MECOM: variants seen among roughly 807,000 people sequenced by gnomAD.
The protein encoded by MECOM is histone-lysine N-methyltransferase MECOM.
In MECOM, 13 loss-of-function variants were observed where a neutral mutation model predicts 116.3. That is an observed-to-expected ratio of 0.11 (90% CI 0.07 to 0.18). The LOEUF (loss-of-function observed/expected upper bound fraction) is 0.18, where lower values mean the gene tolerates loss of function less well. Ranked by LOEUF, MECOM falls within the 10% of genes least tolerant of loss-of-function variation. MECOM has a pLI of 1.00. For missense variants in MECOM, 1,299 were observed against 1,509.0 expected, an observed-to-expected ratio of 0.86 and a Z score of 2.31; for synonymous variants, 528 against 535.2, an observed-to-expected ratio of 0.99 and a Z score of 0.19.
At chr3:169,345,111 C>T (rs1349320475) in intron 2 of MECOM, among the ~76,000 whole-genome samples, 3 of 152,092 alleles carry the variant, frequency 2.0e-5, no homozygotes, top group East Asian at 3.9e-4. Context: ...AAATTGTTCA[C>T]TAAATGCATT....
At chr3:169,093,284 G>A (rs527569885) in intron 13 of MECOM, among the ~76,000 whole-genome samples, 182 bp from the exon 14 acceptor site, 29 of 152,172 alleles carry the variant, frequency 1.9e-4, no homozygotes, top group African/African-American at 6.0e-4. Flanking sequence ...TGCCCATGAC[G>A]GTCCTTTGGG....
At chr3:169,255,639 T>C (rs939394676) in intron 2 of MECOM, among the ~76,000 whole-genome samples, 2 of 152,202 alleles carry the variant, frequency 1.3e-5, no homozygotes, top group Admixed American at 1.3e-4. Context: ...ACAGACTTTA[T>C]TGGTCAAGTT....
At chr3:169,146,389 G>C in intron 2 of MECOM, 2 of 1,387,998 alleles carry the variant, frequency 1.4e-6, no homozygotes, top group Non-Finnish European at 1.9e-6. Flanking sequence ...GTGCGTCCCC[G>C]AAACCGACGG....
intron 1 of MECOM, among the ~76,000 whole-genome samples, chr3:169,600,902 C>T (rs1412856140): frequency 6.6e-6 from 1 of 152,218 alleles, no homozygotes; most frequent in African/African-American, 2.4e-5. Flanking sequence ...CTGAGAAACA[C>T]TCCACAGGAC....
chr3:169,142,133 A>G (rs1738282550), intron 3 of MECOM, among the ~76,000 whole-genome samples: 1 of 151,962 alleles, frequency 6.6e-6, no homozygotes, highest in Admixed American at 6.6e-5. Context: ...CAAGATTCCC[A>G]ATACGAGTAC....
intron 1 of MECOM, among the ~76,000 whole-genome samples, chr3:169,633,405 G>T (rs1772327607): frequency 1.3e-5 from 2 of 152,182 alleles, no homozygotes; most frequent in African/African-American, 4.8e-5. Flanking sequence ...CTTAGCAGAA[G>T]ATAGATGTGT....
intron 1 of MECOM, among the ~76,000 whole-genome samples, chr3:169,640,181 A>T (rs59140256): frequency 6.6e-6 from 1 of 151,648 alleles, no homozygotes; most frequent in Non-Finnish European, 1.5e-5. Context: ...AAAAAAAATT[A>T]ATATTTTATA....
At chr3:169,547,330 C>T (rs1273360642) in intron 1 of MECOM, among the ~76,000 whole-genome samples, 1 of 152,176 alleles carries the variant, frequency 6.6e-6, no homozygotes, top group Non-Finnish European at 1.5e-5. Flanking sequence ...GCAATGCTTC[C>T]TGTACAACCT....
At chr3:169,390,611 G>C (rs1457891808) in intron 1 of MECOM, among the ~76,000 whole-genome samples, 1 of 152,130 alleles carries the variant, frequency 6.6e-6, no homozygotes, top group Non-Finnish European at 1.5e-5. Context: ...ACATGAGGGA[G>C]CATTAATGTG....
At chr3:169,476,742 C>T (rs1031451947) in intron 1 of MECOM, 4 of 151,914 alleles carry the variant, frequency 2.6e-5, no homozygotes, top group Non-Finnish European at 5.9e-5. Context: ...TCCTGTGACC[C>T]TAATCCACAT....
At chr3:169,476,921 C>G (rs1750488552) in intron 1 of MECOM, 1 of 150,138 alleles carries the variant, frequency 6.7e-6, no homozygotes, top group Admixed American at 6.6e-5. Flanking sequence ...CCGGCAAAGA[C>G]AGGTTAGGCA....
chr3:169,232,191 T>C (rs1374203655), intron 2 of MECOM, among the ~76,000 whole-genome samples: 2 of 152,140 alleles, frequency 1.3e-5, no homozygotes, highest in African/African-American at 4.8e-5. Context: ...TTCTCTTAAA[T>C]TCACCTTTTT....
At chr3:169,205,578 C>T (rs915339520) in intron 2 of MECOM, among the ~76,000 whole-genome samples, 3 of 152,024 alleles carry the variant, frequency 2.0e-5, no homozygotes, top group East Asian at 1.9e-4. Flanking sequence ...ATTCTTGAGA[C>T]GTCAACTCTA....
intron 1 of MECOM, among the ~76,000 whole-genome samples, chr3:169,532,462 T>A (rs188044041): frequency 1.6e-4 from 24 of 152,322 alleles, no homozygotes; most frequent in Non-Finnish European, 2.8e-4. Flanking sequence ...CAAAGACCCA[T>A]AATCCTGACT....
chr3:169,335,470 C>T (rs1414904004), intron 2 of MECOM, among the ~76,000 whole-genome samples: 1 of 152,124 alleles, frequency 6.6e-6, no homozygotes, highest in African/African-American at 2.4e-5. Context: ...TTGAGGTGAG[C>T]TCAGCGTGCG....
At chr3:169,542,431 T>C (rs1016890159) in intron 1 of MECOM, among the ~76,000 whole-genome samples, 1 of 152,098 alleles carries the variant, frequency 6.6e-6, no homozygotes, top group African/African-American at 2.4e-5. Flanking sequence ...GCCCTGGGGA[T>C]TTAGTTGGCT....
intron 2 of MECOM, among the ~76,000 whole-genome samples, chr3:169,229,132 C>A (rs1753084797): frequency 6.6e-6 from 1 of 152,154 alleles, no homozygotes; most frequent in South Asian, 2.1e-4. Flanking sequence ...ACAGTAAAAT[C>A]TTCCAGAGGG....
At chr3:169,315,798 A>G (rs1302097811) in intron 2 of MECOM, among the ~76,000 whole-genome samples, 1 of 152,212 alleles carries the variant, frequency 6.6e-6, no homozygotes, top group Admixed American at 6.5e-5. Flanking sequence ...CATGAATGTT[A>G]CCAGTTAACC....
rs956141332 is a variant in MECOM, at chr3:169,121,132, C to T, written c.1056G>A (p.Glu352=). ...ACGAAGTGGCAAACGTTTTGCCACA[C>T]TCCGGGCATGCATGGGCCCGGGCAC... is the stretch of plus-strand genomic sequence containing the variant. ...HVGARAHACP[E]CGKTFATSSG... The change falls in exon 7 of 17, where the codon GAG becomes GAA. Residue 352 remains glutamate (E), a synonymous_variant. Transcript: ENST00000651503. 6 of 1,613,592 alleles carry T rather than the reference C, an allele frequency of 3.7e-6. No individual in the cohort carries two copies. The highest frequency in any genetic ancestry group is 5.1e-6 in the Non-Finnish European group (6 of 1,179,842).
Sources: allele counts gnomAD v4.1 joint callset (sites outside exome capture counted in the v4.1 genomes callset), GRCh38; gene constraint gnomAD v4.1.1; transcripts MANE v1.5; gene names NCBI Gene and HGNC (gene_info 2026-07-23, HGNC 2026-07-21).